The following BACH2 variants were observed in gnomAD, a reference collection of about 807,000 sequenced individuals.
The protein encoded by BACH2 is BACH transcriptional regulator 2, also known as transcription regulator protein BACH2.
Under a neutral mutation model 61.8 loss-of-function variants are expected in BACH2, and 5 were observed. The observed-to-expected ratio is 0.08, with a 90% CI of 0.04 to 0.17. The LOEUF (loss-of-function observed/expected upper bound fraction) is 0.17, where lower values mean the gene tolerates loss of function less well. Among genes scored for constraint, BACH2 ranks in the 10% least tolerant of loss-of-function variants. The probability of loss-of-function intolerance (pLI) is 1.00; values close to 1 mark genes in which losing one functional copy is unlikely to be tolerated. For missense variants in BACH2, 824 were observed against 1,091.1 expected (o/e 0.76, Z 3.45); for synonymous variants, 446 against 440.1 (o/e 1.01, Z -0.17).
chr6:90,207,353 A>T (rs1582484931), intron 3 of BACH2, among the ~76,000 whole-genome samples: 1 of 152,272 alleles, frequency 6.6e-6, no homozygotes, highest in East Asian at 1.9e-4. Context: ...TCCTAAGCTC[A>T]AGTGATCCTC....
rs763363335 is a variant in BACH2 at position 89,950,880 on chromosome 6, G to A, written c.1226C>T (p.Ser409Leu). ...CTCCAACCCAGGCCCCCTGAGGGGC[G>A]ACCCCATGGTGAAGTTGGACACCTC... ...QKEVSNFTMG[S>L]PLRGPGLEAL... Residue 409 changes from serine to leucine, a missense_variant, in exon 7 of 9, where the codon TCG becomes TTG. Physicochemically the swap from Ser to Leu is moderately radical, Grantham distance 145. This residue lies in a region of BACH2 where 226 missense variants were observed against 228.5 expected (regional missense o/e 0.99). Coordinates refer to ENST00000257749, the MANE Select transcript of BACH2 (RefSeq NM_021813.4). The surrounding 1 kb of genome is among the most constrained non-coding windows in gnomAD (Gnocchi z 5.3). 7.5e-6 allele frequency: 12 copies of A among 1,605,902 alleles called. No individual in the cohort carries two copies. The Admixed American group carries it at 1.2e-4, about 16-fold the overall frequency.
intron 7 of BACH2, among the ~76,000 whole-genome samples, chr6:89,944,436 ACT>A (rs1253520046): frequency 5.9e-5 from 9 of 152,222 alleles, no homozygotes; most frequent in African/African-American, 2.2e-4. Flanking sequence ...ACATAAAAAC[ACT>A]GTTTTAATTA....
At chr6:90,166,805 G>T (rs1767636020) in intron 4 of BACH2, among the ~76,000 whole-genome samples, 1 of 149,874 alleles carries the variant, frequency 6.7e-6, no homozygotes, top group Non-Finnish European at 1.5e-5. Context: ...CTATTGCAAG[G>T]ACAAAAAACC....
intron 4 of BACH2, among the ~76,000 whole-genome samples, chr6:90,126,649 ATC>A (rs1454925704): frequency 6.6e-6 from 1 of 152,244 alleles, no homozygotes; most frequent in Admixed American, 6.5e-5. Flanking sequence ...ACTGAGAAGC[ATC>A]TCTCTCTAGT....
chr6:90,117,684 C>A (rs1179227787), intron 4 of BACH2, among the ~76,000 whole-genome samples: 1 of 152,122 alleles, frequency 6.6e-6, no homozygotes, highest in East Asian at 1.9e-4. Flanking sequence ...AACAAAGGAA[C>A]TAATCCATGA....
intron 4 of BACH2, among the ~76,000 whole-genome samples, chr6:90,103,706 A>C (rs1345523350): frequency 6.6e-6 from 1 of 152,062 alleles, no homozygotes; most frequent in East Asian, 1.9e-4. Flanking sequence ...TCTTGAAAAC[A>C]TGTTTACGTT....
At position 90,013,178 on chromosome 6, in the gene BACH2, C is replaced by T. The variant is rs116612308; in HGVS notation, c.-12-4322G>A. ...GCCTGTTTTTTCTTGGTAGATTCCA[C>T]GGTATTTTCTACATAGAAGATTATG... On this transcript the variant is annotated intron_variant, in intron 5 of 8. Coordinates refer to ENST00000257749, the MANE Select transcript of BACH2 (RefSeq NM_021813.4). Among the ~76,000 whole-genome samples the T allele has an allele frequency of 6.0e-3, 913 of 152,168 alleles. 11 individuals carry two copies. The highest frequency in any genetic ancestry group is 0.02 in the African/African-American group (821 of 41,508).
At chr6:90,068,155 A>AT (rs1487791333) in intron 5 of BACH2, among the ~76,000 whole-genome samples, 1 of 152,240 alleles carries the variant, frequency 6.6e-6, no homozygotes, top group Non-Finnish European at 1.5e-5. Flanking sequence ...AAAGATACTT[A>AT]TTGTGAAAGT....
At chr6:90,039,675 C>A (rs764654361) in intron 5 of BACH2, among the ~76,000 whole-genome samples, 2 of 152,116 alleles carry the variant, frequency 1.3e-5, no homozygotes, top group Non-Finnish European at 1.5e-5. Flanking sequence ...TAAGCCACTG[C>A]GCCTGGCCAA....
chr6:89,948,590 G>A (rs1773887130), intron 7 of BACH2, among the ~76,000 whole-genome samples: 1 of 152,332 alleles, frequency 6.6e-6, no homozygotes, highest in Non-Finnish European at 1.5e-5. Context: ...TTGGTAGGAA[G>A]CCATGATGCG....
intron 3 of BACH2, among the ~76,000 whole-genome samples, chr6:90,209,598 T>G (rs548566600): frequency 1.4e-3 from 214 of 152,290 alleles, no homozygotes; most frequent in Middle Eastern, 3.4e-3. Flanking sequence ...TCAATTTCTA[T>G]GTACACATTG....
At chr6:90,179,004 T>C (rs1390463210) in intron 4 of BACH2, among the ~76,000 whole-genome samples, 1 of 152,170 alleles carries the variant, frequency 6.6e-6, no homozygotes, top group Non-Finnish European at 1.5e-5. Context: ...CGTTAAAATA[T>C]ACTTAGGAGG....
intron 3 of BACH2, among the ~76,000 whole-genome samples, chr6:90,250,436 C>T (rs1770769785): frequency 6.6e-6 from 1 of 152,164 alleles, no homozygotes; most frequent in South Asian, 2.1e-4. Context: ...ATGGATTTAC[C>T]ATTTAAGAAA....
At chr6:90,157,296 C>T (rs1785027985) in intron 4 of BACH2, among the ~76,000 whole-genome samples, 1 of 152,234 alleles carries the variant, frequency 6.6e-6, no homozygotes, top group South Asian at 2.1e-4. Context: ...TAGACCAACA[C>T]TTCACAGAAA....
At position 90,068,638 on chromosome 6, in the gene BACH2, GT is replaced by G. The variant is rs200261856; in HGVS notation, c.-13+20322del. 6.8e-3 allele frequency among the ~76,000 whole-genome samples: 951 copies of G among 140,672 alleles called. 50 individuals carry two copies. In the East Asian group the frequency reaches 0.14, roughly 21 times the overall value. 92.3% of individuals were successfully genotyped at this position (140,672 alleles called of 152,430 possible). On this transcript the variant is annotated intron_variant, in intron 5 of 8. Transcript: ENST00000257749. ...AGGTGGGGAGAAACAGGTTGTTGTT[GT>G]TTTTTTTTTTTGTTTTCTTGGAAGG...
At chr6:89,940,147 T>C (rs1385066317) in intron 7 of BACH2, among the ~76,000 whole-genome samples, 1 of 152,106 alleles carries the variant, frequency 6.6e-6, no homozygotes, top group Non-Finnish European at 1.5e-5. Context: ...GTAGCTGGGA[T>C]TGCAGGTGTG....
intron 2 of BACH2, among the ~76,000 whole-genome samples, chr6:90,253,241 C>T (rs907757219): frequency 2.7e-5 from 4 of 150,124 alleles, no homozygotes; most frequent in Non-Finnish European, 4.4e-5. Flanking sequence ...TGAAATCTTG[C>T]CTCAAAAAAA....
intron 6 of BACH2, among the ~76,000 whole-genome samples, chr6:89,982,833 C>T (rs1454526981): frequency 6.6e-6 from 1 of 152,174 alleles, no homozygotes; most frequent in African/African-American, 2.4e-5. Context: ...GGGTTCTGAG[C>T]CCCTCATTCC....
At chr6:90,210,760 A>G (rs1283128521) in intron 3 of BACH2, among the ~76,000 whole-genome samples, 2 of 152,208 alleles carry the variant, frequency 1.3e-5, no homozygotes, top group African/African-American at 4.8e-5. Context: ...AGTTAATCCC[A>G]TAAGCCCGTG....
Sources: gnomAD v4.1 joint callset for allele counts (sites outside exome capture counted in the v4.1 genomes callset) on GRCh38, gnomAD v4.1.1 for gene constraint, gnomAD v4.1.1 regional missense constraint, Gnocchi (gnomAD v3.1) non-coding constraint, MANE v1.5 for transcripts, NCBI Gene and HGNC (gene_info 2026-07-23, HGNC 2026-07-21) for gene names.